GPC1: variants seen among roughly 807,000 people sequenced by gnomAD.
GPC1 encodes glypican 1.
GPC1 carries 26 observed loss-of-function variants against 51.5 expected under a neutral mutation model. That is an observed-to-expected ratio of 0.50 (90% CI 0.37 to 0.70). The LOEUF is 0.70. Ranked by LOEUF, GPC1 falls within the 30% of genes least tolerant of loss-of-function variation. The probability of loss-of-function intolerance (pLI) is 0.00; values close to 1 mark genes in which losing one functional copy is unlikely to be tolerated. For missense variants in GPC1, 775 were observed against 800.5 expected, an observed-to-expected ratio of 0.97 and a Z score of 0.38; for synonymous variants, 380 against 348.3, an observed-to-expected ratio of 1.09 and a Z score of -1.01.
chr2:240,457,696 C>T (rs1314902679), intron 1 of GPC1, among the ~76,000 whole-genome samples: 1 of 152,146 alleles, frequency 6.6e-6, no homozygotes, highest in Non-Finnish European at 1.5e-5. Context: ...GTGCCTCTGC[C>T]CGGGCTGACC....
chr2:240,445,933 A>G (rs971973669), intron 1 of GPC1, among the ~76,000 whole-genome samples: 1 of 152,168 alleles, frequency 6.6e-6, no homozygotes, highest in Non-Finnish European at 1.5e-5. Flanking sequence ...CCACCTCACA[A>G]TTCGTTGTAT....
At chr2:240,457,394 C>T (rs1361412934) in intron 1 of GPC1, 7 of 464,330 alleles carry the variant, frequency 1.5e-5, no homozygotes, top group South Asian at 1.1e-4. Flanking sequence ...TTGTCTCGGG[C>T]TCCTCCCTGA....
At chr2:240,441,623 T>C (rs1048989323) in intron 1 of GPC1, among the ~76,000 whole-genome samples, 2 of 152,144 alleles carry the variant, frequency 1.3e-5, no homozygotes, top group African/African-American at 2.4e-5. Flanking sequence ...TTGCCCACTT[T>C]ACGTGGGGGC....
At chr2:240,460,398 G>A (rs899103898) in intron 2 of GPC1, among the ~76,000 whole-genome samples, 8 of 151,990 alleles carry the variant, frequency 5.3e-5, no homozygotes, top group African/African-American at 1.7e-4. Flanking sequence ...GTAGGGACCC[G>A]GCTCACCTCC....
At chr2:240,459,369 C>T (rs962476377) in intron 2 of GPC1, among the ~76,000 whole-genome samples, 181 bp downstream of exon 2, 4 of 152,070 alleles carry the variant, frequency 2.6e-5, no homozygotes, top group African/African-American at 9.7e-5. Context: ...TGGGGGCTGC[C>T]CTCAGGCAGG....
chr2:240,456,827 T>C (rs917728838), intron 1 of GPC1: 1 of 327,196 alleles, frequency 3.1e-6, no homozygotes, highest in Non-Finnish European at 6.3e-6. Flanking sequence ...TGAAGGATGG[T>C]CCCTGGCGAG....
At chr2:240,454,193 A>G (rs2074134373) in intron 1 of GPC1, among the ~76,000 whole-genome samples, 1 of 152,182 alleles carries the variant, frequency 6.6e-6, no homozygotes. Flanking sequence ...AGGTGGGGCC[A>G]AGGCTGCCTC....
intron 1 of GPC1, chr2:240,450,526 C>A: frequency 2.2e-6 from 1 of 451,052 alleles, no homozygotes; most frequent in Non-Finnish European, 4.7e-6. Flanking sequence ...TGAAATGACT[C>A]GGCTTAACCC....
At chr2:240,459,667 C>T (rs997013302) in intron 2 of GPC1, among the ~76,000 whole-genome samples, 8 of 152,212 alleles carry the variant, frequency 5.3e-5, no homozygotes, top group Admixed American at 2.0e-4. Context: ...CTGGGGTGGC[C>T]GCCACTCAGC....
Position 240,465,499 on chromosome 2 carries a change from G to A in GPC1, c.1295G>A (p.Gly432Asp). Residue 432 changes from glycine to aspartate, a missense_variant, in exon 8 of 9, where the codon GGC (glycine) becomes GAC (aspartate). By Grantham distance (94) the Gly-to-Asp change is moderately conservative. Coordinates refer to ENST00000264039, the MANE Select transcript of GPC1 (RefSeq NM_002081.3). ...TACCTCCCCGAGGTCATGGGTGACG[G>A]CCTGGCCAACCAGATCAACAACCCC... ...GRYLPEVMGD[G>D]LANQINNPEV... The A allele has an allele frequency of 6.2e-7, 1 of 1,613,114 alleles. No homozygotes were observed. Among genetic ancestry groups the A allele is most frequent in the South Asian group, 1.1e-5 (1 of 91,076 alleles).
intron 2 of GPC1, 78 bp from the exon 3 acceptor site, chr2:240,462,112 CG>C: frequency 7.4e-7 from 1 of 1,352,550 alleles, no homozygotes; most frequent in South Asian, 1.4e-5. Context: ...CTGAGTCTCC[CG>C]GGCTGAGTCC....
At chr2:240,437,674 C>G (rs143781798) in intron 1 of GPC1, among the ~76,000 whole-genome samples, 183 of 152,316 alleles carry the variant, frequency 1.2e-3, no homozygotes, top group African/African-American at 4.1e-3. Context: ...AGAGGCATCC[C>G]TGGCCTTCCT....
chr2:240,435,956 C>A lies in GPC1; in HGVS notation c.38C>A (p.Ala13Glu). The A allele has an allele frequency of 7.6e-7, 1 of 1,307,266 alleles. No homozygotes were observed. The highest frequency in any genetic ancestry group is 9.7e-7 in the Non-Finnish European group (1 of 1,028,440). The allele number at this position is 1,307,266 out of a possible 1,614,324, so 81.0% of individuals were successfully genotyped here. Reference sequence around the variant, plus strand: ...GCCCGAGGCTGGTGGCTGCTATGTGCGGCCGCAGCGCTGGTCGCCTGCGCC... The same window carrying A: ...GCCCGAGGCTGGTGGCTGCTATGTGAGGCCGCAGCGCTGGTCGCCTGCGCC... ...LRARGWWLLCAAAALVACARG... is the reference protein window; with the variant it reads ...LRARGWWLLCEAAALVACARG... Residue 13 changes from alanine (A) to glutamate (E), a missense_variant, in exon 1 of 9, where the codon GCG becomes GAG. Transcript: ENST00000264039.
chr2:240,449,914 G>T (rs2074082341), intron 1 of GPC1: 1 of 470,342 alleles, frequency 2.1e-6, no homozygotes, highest in Admixed American at 2.3e-5. Context: ...CTATTCCATT[G>T]TATGCACCTA....
At position 240,463,327 on chromosome 2, in the gene GPC1, T is replaced by C. The variant is rs996800754; in HGVS notation, c.718-20T>C. The C allele has an allele frequency of 3.1e-6, 5 of 1,610,422 alleles. No individual in the cohort carries two copies. Among genetic ancestry groups the C allele is most frequent in the Non-Finnish European group, 4.2e-6 (5 of 1,178,420 alleles). On this transcript the variant is annotated intron_variant, in intron 3 of 8. Coordinates refer to ENST00000264039, the MANE Select transcript of GPC1 (RefSeq NM_002081.3). ...ACCCCCAGGGCCTCGGGGCCTGGCT[T>C]AGGGTCCCTTGCTCCCCAGGTCCCC...
intron 1 of GPC1, 84 bp downstream of exon 1, chr2:240,436,168 C>T (rs2073982449): frequency 5.1e-6 from 5 of 981,588 alleles, no homozygotes; most frequent in Non-Finnish European, 6.6e-6. Context: ...GGCTACTCGC[C>T]CCCGGCGCGG....
intron 3 of GPC1, among the ~76,000 whole-genome samples, chr2:240,462,888 T>TGAA (rs1162713766): frequency 6.7e-6 from 1 of 149,026 alleles, no homozygotes; most frequent in Non-Finnish European, 1.5e-5. Context: ...GGCTGTGGAG[T>TGAA]GAAAGTGCAG....
chr2:240,437,024 G>A (rs1160050350), intron 1 of GPC1, among the ~76,000 whole-genome samples: 2 of 152,246 alleles, frequency 1.3e-5, no homozygotes, highest in Admixed American at 1.3e-4. Flanking sequence ...ACCTTTCCAC[G>A]TGTGGGAACC....
intron 2 of GPC1, 96 bp from the exon 3 acceptor site, chr2:240,462,095 C>G (rs2074220638): frequency 8.1e-7 from 1 of 1,237,122 alleles, no homozygotes; most frequent in African/African-American, 1.5e-5. Flanking sequence ...AGAGTGTATC[C>G]TCAGAGCTGA....
Sources: gnomAD v4.1 joint callset for allele counts (sites outside exome capture counted in the v4.1 genomes callset) on GRCh38, gnomAD v4.1.1 for gene constraint, MANE v1.5 for transcripts, NCBI Gene and HGNC (gene_info 2026-07-23, HGNC 2026-07-21) for gene names.